Variants in RFX1 observed in about 807,000 individuals in gnomAD.
The protein encoded by RFX1 is MHC class II regulatory factor RFX1.
A neutral mutation model predicts 119.6 loss-of-function variants in RFX1; 42 were observed. The ratio of observed to expected loss-of-function variants is 0.35; its 90% CI spans 0.27 to 0.45. The LOEUF (loss-of-function observed/expected upper bound fraction) is 0.45. Ranked by LOEUF, RFX1 falls within the 20% of genes least tolerant of loss-of-function variation. The pLI is 1.00. For missense variants in RFX1, 1,118 were observed against 1,368.1 expected, an observed-to-expected ratio of 0.82 and a Z score of 2.88; for synonymous variants, 628 against 618.5, an observed-to-expected ratio of 1.02 and a Z score of -0.23.
At chr19:13,964,387 C>CTTT (rs990253908) in intron 16 of RFX1, among the ~76,000 whole-genome samples, 2 of 124,262 alleles carry the variant, frequency 1.6e-5, no homozygotes, top group South Asian at 4.6e-4. Flanking sequence ...CAGGAAAGGC[C>CTTT]TTTTTTTTTT....
Position 13,962,436 on chromosome 19 carries a change from C to A in RFX1, c.*259G>T, listed in dbSNP as rs925082077. 1.8e-5 allele frequency: 9 copies of A among 493,034 alleles called. No individual in the cohort carries two copies. The highest frequency in any genetic ancestry group is 3.2e-5 in the Non-Finnish European group (9 of 279,204). The allele number at this position is 493,034 out of a possible 1,614,324, so 30.5% of individuals were successfully genotyped here. A position where few individuals can be genotyped will look rare whatever the true frequency, so the allele number is the denominator to read the frequency against. On this transcript the variant is annotated 3_prime_UTR_variant, in exon 21 of 21. Transcript: ENST00000254325. ...GGAGGGGGGCGGCCAAGGGGCCGAG[C>A]TGGATGCCCCGCGGGGCACCTGGGC...
At position 13,994,911 on chromosome 19, in the gene RFX1, T is replaced by C. The variant is rs1314658427; in HGVS notation, c.-52-1016A>G. On this transcript the variant is annotated intron_variant, in intron 1 of 20. Coordinates refer to ENST00000254325, the MANE Select transcript of RFX1 (RefSeq NM_002918.5). ...ATACATACATATATATATATATATA[T>C]ATATATATATATATATATATATATA... Among the ~76,000 whole-genome samples, 222 of 87,160 alleles carry C rather than the reference T, an allele frequency of 2.5e-3. 7 individuals carry two copies. Among genetic ancestry groups the C allele is most frequent in the Admixed American group, 5.9e-3 (53 of 8,926 alleles). The allele number at this position is 87,160 out of a possible 152,430, so 57.2% of individuals were successfully genotyped here. A position where few individuals can be genotyped will look rare whatever the true frequency, so the allele number is the denominator to read the frequency against.
At chr19:13,967,839 T>G (rs143715685) in intron 12 of RFX1, among the ~76,000 whole-genome samples, 10 of 152,274 alleles carry the variant, frequency 6.6e-5, no homozygotes, top group Admixed American at 2.6e-4. Flanking sequence ...CCTAGCCCTG[T>G]GGACACCATG....
chr19:13,981,797 A>G (rs1332671382), intron 5 of RFX1, among the ~76,000 whole-genome samples: 4 of 152,176 alleles, frequency 2.6e-5, no homozygotes, highest in African/African-American at 9.6e-5. Flanking sequence ...TCCGGGGGGA[A>G]GAGGAACCCA....
rs765080778 is a variant in RFX1 at position 13,966,569 on chromosome 19, G to A, written c.1852-39C>T. Reference sequence around the variant, plus strand: ...GGATGCTCAGGGAGGCTGGGGGGCAGCATGGCCCTCCCATGCCCGTGGCTG... The same window carrying A: ...GGATGCTCAGGGAGGCTGGGGGGCAACATGGCCCTCCCATGCCCGTGGCTG... On this transcript the variant is annotated intron_variant, in intron 13 of 20. Coordinates refer to ENST00000254325, the MANE Select transcript of RFX1 (RefSeq NM_002918.5). The surrounding 1 kb of genome is among the most constrained non-coding windows in gnomAD (Gnocchi z 6.3). 1 of 1,525,780 alleles carries A rather than the reference G, an allele frequency of 6.6e-7. No homozygotes were observed. The highest frequency in any genetic ancestry group is 8.9e-7 in the Non-Finnish European group (1 of 1,120,656). The allele number at this position is 1,525,780 out of a possible 1,614,324, so 94.5% of individuals were successfully genotyped here. A position where few individuals can be genotyped will look rare whatever the true frequency, so the allele number is the denominator to read the frequency against.
intron 8 of RFX1, 66 bp from the exon 9 acceptor site, chr19:13,973,193 T>C: frequency 1.7e-6 from 1 of 575,522 alleles, no homozygotes; most frequent in Non-Finnish European, 2.8e-6. Flanking sequence ...GGGGCATGAC[T>C]GTGCAGGAAG....
In RFX1 at chr19:13,993,589, C is replaced by A. The variant is rs756666381; in HGVS notation, c.255G>T (p.Ser85=). ...AAGGGGTGGGTGCACCGGTTGGCTG[C>A]GAGGGTGCGGGTACAGCCGGGAGCT... ...VTELPAVPAP[S]QPTGAPTPSP... Residue 85 remains serine (S), a synonymous_variant, in exon 2 of 21, where the codon TCG becomes TCT. Transcript: ENST00000254325. 4 of 1,612,218 alleles carry A rather than the reference C, an allele frequency of 2.5e-6. No individual in the cohort carries two copies. Among genetic ancestry groups the A allele is most frequent in the African/African-American group, 1.3e-5 (1 of 74,840 alleles).
chr19:13,988,936 C>T (rs1034025975), intron 2 of RFX1, among the ~76,000 whole-genome samples: 1 of 152,274 alleles, frequency 6.6e-6, no homozygotes, highest in East Asian at 1.9e-4. Flanking sequence ...GCAGGAGAAT[C>T]GCTTGAACCC....
At chr19:13,976,637 A>G (rs1347563307) in intron 8 of RFX1, among the ~76,000 whole-genome samples, 1 of 152,222 alleles carries the variant, frequency 6.6e-6, no homozygotes, top group African/African-American at 2.4e-5. Flanking sequence ...ACCCACGAGG[A>G]CACATGGTAG....
At chr19:13,976,366 C>T (rs1974252725) in intron 8 of RFX1, among the ~76,000 whole-genome samples, 1 of 152,234 alleles carries the variant, frequency 6.6e-6, no homozygotes, top group Non-Finnish European at 1.5e-5. Flanking sequence ...ACTAAACCAA[C>T]AGTAACTCTA....
chr19:13,980,639 G>A lies in RFX1; in HGVS notation c.672C>T (p.Pro224=), dbSNP rs1314451955. Reference sequence around the variant, plus strand: ...GCAGCTGCTGTGGCACTGTGCCCGTGGGGGCCCCGGCTGTCTTGCTGGAAG... The same window carrying A: ...GCAGCTGCTGTGGCACTGTGCCCGTAGGGGCCCCGGCTGTCTTGCTGGAAG... ...NSSSSKTAGA[P]TGTVPQQLQV... The change falls in exon 6 of 21, where the codon CCC becomes CCT. Residue 224 remains proline, a synonymous_variant. Coordinates refer to ENST00000254325, the MANE Select transcript of RFX1 (RefSeq NM_002918.5). This position sits in a 1 kb window ranked among gnomAD's most constrained non-coding sequence, Gnocchi z 5.1. The A allele has an allele frequency of 6.3e-7, 1 of 1,587,556 alleles. No individual in the cohort carries two copies. Among genetic ancestry groups the A allele is most frequent in the Non-Finnish European group, 8.5e-7 (1 of 1,172,992 alleles).
At chr19:13,972,662 A>G (rs1466734764) in intron 9 of RFX1, 81 bp downstream of exon 9, 21 of 1,118,068 alleles carry the variant, frequency 1.9e-5, no homozygotes, top group Non-Finnish European at 5.1e-6. Flanking sequence ...GGTGGTTGGT[A>G]ACCACCGTCA....
At position 13,963,111 on chromosome 19, in the gene RFX1, G is replaced by C; in HGVS notation, c.2724+11C>G. On this transcript the variant is annotated intron_variant, in intron 19 of 20. Transcript: ENST00000254325. ...GCCCCGCCCGCGCCCCCAGTGGCCC[G>C]CCTCGCGCACCTCGCCCATGACGGC... is the stretch of plus-strand genomic sequence containing the variant. 1 of 1,610,318 alleles carries C rather than the reference G, an allele frequency of 6.2e-7. No individual in the cohort carries two copies. Among genetic ancestry groups the C allele is most frequent in the South Asian group, 1.1e-5 (1 of 90,958 alleles).
At chr19:13,971,060 G>A (rs1206543508) in intron 9 of RFX1, among the ~76,000 whole-genome samples, 3 of 152,020 alleles carry the variant, frequency 2.0e-5, no homozygotes, top group African/African-American at 4.8e-5. Context: ...CAAGCCAGGA[G>A]TGGTGGCTCA....
rs1973726601 is a variant in RFX1 at position 13,962,564 on chromosome 19, G to A, written c.*131C>T. Reference sequence around the variant, plus strand: ...GGCCCCATAAGGGAGGAGGGCCCCGGTCTTCCCTGTCTCGGAGTCCCCCTC... The same window carrying A: ...GGCCCCATAAGGGAGGAGGGCCCCGATCTTCCCTGTCTCGGAGTCCCCCTC... On this transcript the variant is annotated 3_prime_UTR_variant, in exon 21 of 21. Coordinates refer to ENST00000254325, the MANE Select transcript of RFX1 (RefSeq NM_002918.5). 9.5e-6 allele frequency: 7 copies of A among 733,910 alleles called. No individual in the cohort carries two copies. The highest frequency in any genetic ancestry group is 7.5e-5 in the African/African-American group (4 of 52,994). The allele number at this position is 733,910 out of a possible 1,614,324, so 45.5% of individuals were successfully genotyped here. A position where few individuals can be genotyped will look rare whatever the true frequency, so the allele number is the denominator to read the frequency against.
chr19:13,979,423 G>C, intron 7 of RFX1, 24 bp downstream of exon 7: 1 of 1,500,782 alleles, frequency 6.7e-7, no homozygotes, highest in Non-Finnish European at 9.0e-7. Context: ...CTTTGCCCGT[G>C]GGGTAGGAGG....
chr19:13,979,634 C>CA, intron 6 of RFX1, 92 bp from the exon 7 acceptor site: 1 of 782,576 alleles, frequency 1.3e-6, no homozygotes, highest in South Asian at 2.3e-5. Context: ...GTAAAGCTCA[C>CA]AGCAGACCCA....
intron 8 of RFX1, among the ~76,000 whole-genome samples, chr19:13,975,991 T>G (rs1264278305): frequency 6.6e-6 from 1 of 152,192 alleles, no homozygotes; most frequent in Non-Finnish European, 1.5e-5. Context: ...AGAGAGGAAT[T>G]CAGACAGAAG....
Position 13,969,202 on chromosome 19 carries a change from G to A in RFX1, c.1497-308C>T, listed in dbSNP as rs1264288479. ...TGAGCCATGGGGGTTGCAAAGGAGA[G>A]GAAGAGAGGGGCGGGTTCTTGGGAT... On this transcript the variant is annotated intron_variant, in intron 10 of 20. Transcript: ENST00000254325. The surrounding 1 kb of genome is among the most constrained non-coding windows in gnomAD (Gnocchi z 4.5). Among the ~76,000 whole-genome samples, 1 of 152,180 alleles carries A rather than the reference G, an allele frequency of 6.6e-6. No homozygotes were observed. Among genetic ancestry groups the A allele is most frequent in the Non-Finnish European group, 1.5e-5 (1 of 68,032 alleles).
Sources: gnomAD v4.1 joint callset for allele counts (sites outside exome capture counted in the v4.1 genomes callset) on GRCh38, gnomAD v4.1.1 for gene constraint, Gnocchi (gnomAD v3.1) non-coding constraint, MANE v1.5 for transcripts, NCBI Gene and HGNC (gene_info 2026-07-23, HGNC 2026-07-21) for gene names.